SLC9A9: variants seen among roughly 807,000 people sequenced by gnomAD.
SLC9A9 encodes sodium/hydrogen exchanger 9.
In SLC9A9, 62 loss-of-function variants were observed where a neutral mutation model predicts 77.8. That is an observed-to-expected ratio of 0.80 (90% confidence interval 0.65 to 0.98). The LOEUF is 0.98. SLC9A9 is among the 50% of genes least tolerant of loss of function. SLC9A9 has a pLI of 0.00. For synonymous variants in SLC9A9, 320 were observed against 283.5 expected, an observed-to-expected ratio of 1.13 and a Z score of -1.29; for missense variants, 775 against 774.9, an observed-to-expected ratio of 1.00 and a Z score of 0.00.
intron 4 of SLC9A9, among the ~76,000 whole-genome samples, chr3:143,778,616 AAT>A (rs1281771158): frequency 6.6e-6 from 1 of 151,540 alleles, no homozygotes; most frequent in African/African-American, 2.4e-5. Flanking sequence ...CATGTAAAAA[AAT>A]ATCTTTATAA....
chr3:143,448,928 A>T lies in SLC9A9; in HGVS notation c.1469+18109T>A, dbSNP rs533154925. Among the ~76,000 whole-genome samples, 2 of 29,642 alleles carry T rather than the reference A, an allele frequency of 6.7e-5. 1 individual carries two copies. Among genetic ancestry groups the T allele is most frequent in the African/African-American group, 9.6e-4 (2 of 2,074 alleles). The allele number at this position is 29,642 out of a possible 152,430, so 19.4% of individuals were successfully genotyped here. A position where few individuals can be genotyped will look rare whatever the true frequency, so the allele number is the denominator to read the frequency against. On this transcript the variant is annotated intron_variant, in intron 12 of 15. Coordinates refer to ENST00000316549, the MANE Select transcript of SLC9A9 (RefSeq NM_173653.4). ...AATATGATATATATTATATATTATA[A>T]TATATAATATGATATATAATATATA...
intron 11 of SLC9A9, among the ~76,000 whole-genome samples, chr3:143,473,405 T>C (rs541035343): frequency 1.4e-3 from 211 of 152,334 alleles, no homozygotes; most frequent in African/African-American, 4.9e-3. Flanking sequence ...CTCTTCTCCA[T>C]TGAGAACTTC....
intron 8 of SLC9A9, among the ~76,000 whole-genome samples, chr3:143,564,352 C>A (rs908511849): frequency 5.9e-5 from 9 of 152,114 alleles, no homozygotes; most frequent in Admixed American, 5.9e-4. Context: ...TGAAGAGTTT[C>A]TAAGACTACA....
At chr3:143,286,385 G>C (rs1035721952) in intron 14 of SLC9A9, among the ~76,000 whole-genome samples, 2 of 152,168 alleles carry the variant, frequency 1.3e-5, no homozygotes, top group African/African-American at 2.4e-5. Context: ...TGCAGATTTG[G>C]AGAAGGCCAA....
intron 1 of SLC9A9, among the ~76,000 whole-genome samples, chr3:143,844,310 A>T (rs1234661209): frequency 6.6e-6 from 1 of 150,598 alleles, no homozygotes. Context: ...TGTTCTCTAG[A>T]ATTTTTAAAT....
At chr3:143,288,762 T>C (rs1473383964) in intron 14 of SLC9A9, among the ~76,000 whole-genome samples, 7 of 152,150 alleles carry the variant, frequency 4.6e-5, no homozygotes, top group Non-Finnish European at 1.5e-5. Context: ...TCTCAGACCA[T>C]GATCAAGATG....
chr3:143,604,560 T>C (rs1319092246), intron 6 of SLC9A9, among the ~76,000 whole-genome samples: 1 of 151,980 alleles, frequency 6.6e-6, no homozygotes, highest in African/African-American at 2.4e-5. Context: ...TCAGAGAAAA[T>C]AATAGTTGTC....
chr3:143,414,444 C>T (rs1172694309), intron 12 of SLC9A9, among the ~76,000 whole-genome samples: 2 of 152,192 alleles, frequency 1.3e-5, no homozygotes, highest in Non-Finnish European at 2.9e-5. Context: ...TTGAGCAAAT[C>T]TACTGGCACA....
At chr3:143,600,429 T>C (rs755810816) in intron 6 of SLC9A9, among the ~76,000 whole-genome samples, 5 of 152,202 alleles carry the variant, frequency 3.3e-5, no homozygotes, top group Non-Finnish European at 7.3e-5. Flanking sequence ...AAGCAAGAAC[T>C]GAAAGAAATT....
rs79082249 is a variant in SLC9A9, at chr3:143,768,917, G to T, written c.533+26084C>A. Among the ~76,000 whole-genome samples, 527 of 152,276 alleles carry T rather than the reference G, an allele frequency of 3.5e-3. 2 individuals are homozygous for T. Among genetic ancestry groups the T allele is most frequent in the African/African-American group, 0.012 (506 of 41,568 alleles). Reference sequence around the variant, plus strand: ...CATATGAAGAGCAAAAATACAATCAGATCTTTTAGTCTGTCATAAAAGGTT... The same window carrying T: ...CATATGAAGAGCAAAAATACAATCATATCTTTTAGTCTGTCATAAAAGGTT... On this transcript the variant is annotated intron_variant, in intron 4 of 15. Coordinates refer to ENST00000316549, the MANE Select transcript of SLC9A9 (RefSeq NM_173653.4).
At chr3:143,333,130 T>C (rs901330398) in intron 14 of SLC9A9, among the ~76,000 whole-genome samples, 18 of 152,228 alleles carry the variant, frequency 1.2e-4, no homozygotes, top group African/African-American at 4.3e-4. Context: ...TTTCATGTTC[T>C]GATTGGCTCA....
At chr3:143,795,098 T>C (rs2008341363) in intron 3 of SLC9A9, 21 bp from the exon 4 acceptor site, 1 of 1,594,024 alleles carries the variant, frequency 6.3e-7, no homozygotes, top group East Asian at 2.2e-5. Flanking sequence ...AAAAAGATAT[T>C]TAATAGAGTA....
intron 4 of SLC9A9, among the ~76,000 whole-genome samples, chr3:143,719,720 T>A (rs2108801749): frequency 6.6e-6 from 1 of 152,356 alleles, no homozygotes; most frequent in South Asian, 2.1e-4. Context: ...GCCATACTGC[T>A]ATAGTAGTAC....
Position 143,467,178 on chromosome 3 carries a change from G to A in SLC9A9, c.1328C>T (p.Ala443Val), listed in dbSNP as rs200816223. ...HMMMFSGLRG[A>V]IAFALAIRNT... is the part of the protein sequence containing the mutation. The stretch of plus-strand genomic sequence containing the variant: ...CCGAATAGCTAAGGCAAATGCGATC[G>A]CTCCTCGCAAACCTTGCAGGAAAAA... The change falls in exon 12 of 16, where the codon GCG becomes GTG. Residue 443 changes from alanine to valine, a missense_variant. Coordinates refer to ENST00000316549, the MANE Select transcript of SLC9A9 (RefSeq NM_173653.4). 9.3e-6 allele frequency: 15 copies of A among 1,614,168 alleles called. No homozygotes were observed. The highest frequency in any genetic ancestry group is 4.0e-5 in the African/African-American group (3 of 75,056).
Position 143,467,710 on chromosome 3 carries a change from A to G in SLC9A9, c.1316-520T>C, listed in dbSNP as rs573677057. On this transcript the variant is annotated intron_variant, in intron 11 of 15. Transcript: ENST00000316549. ...TTATGCCATCAGTCTGAGTGACAGA[A>G]TAAGTCCCTGGCTCTAAAGAGAGAG... Among the ~76,000 whole-genome samples the G allele has an allele frequency of 1.3e-4, 19 of 147,530 alleles. No individual in the cohort carries two copies. In the East Asian group the frequency reaches 3.8e-3, roughly 29 times the overall value.
chr3:143,743,171 C>T (rs547522962), intron 4 of SLC9A9, among the ~76,000 whole-genome samples: 6 of 149,332 alleles, frequency 4.0e-5, no homozygotes, highest in Non-Finnish European at 8.9e-5. Flanking sequence ...CAGAGACAGA[C>T]CAATAGGAAG....
chr3:143,308,605 G>A (rs2030902063), intron 14 of SLC9A9, among the ~76,000 whole-genome samples: 1 of 151,848 alleles, frequency 6.6e-6, no homozygotes, highest in Admixed American at 6.6e-5. Context: ...ATTTCAAGAT[G>A]GTGGCCACAG....
intron 12 of SLC9A9, among the ~76,000 whole-genome samples, chr3:143,406,317 T>A (rs893052460): frequency 6.6e-6 from 1 of 152,144 alleles, no homozygotes; most frequent in Non-Finnish European, 1.5e-5. Flanking sequence ...TTCACATAGA[T>A]CCAGTGGACT....
intron 12 of SLC9A9, among the ~76,000 whole-genome samples, chr3:143,401,278 A>G (rs537467400): frequency 3.9e-5 from 6 of 152,062 alleles, no homozygotes; most frequent in Admixed American, 3.3e-4. Flanking sequence ...TACCCCACCC[A>G]GCTACCCTCT....
Sources: gnomAD v4.1 joint callset for allele counts (sites outside exome capture counted in the v4.1 genomes callset) on GRCh38, gnomAD v4.1.1 for gene constraint, MANE v1.5 for transcripts, NCBI Gene and HGNC (gene_info 2026-07-23, HGNC 2026-07-21) for gene names.